The following ADAM9 variants were observed in gnomAD, a reference collection of about 807,000 sequenced individuals.
ADAM9 encodes disintegrin and metalloproteinase domain-containing protein 9.
In ADAM9, 54 loss-of-function variants were observed where a neutral mutation model predicts 108.1. The ratio of observed to expected loss-of-function variants is 0.50; its 90% CI spans 0.40 to 0.63. The LOEUF (loss-of-function observed/expected upper bound fraction) is 0.63, where lower values mean the gene tolerates loss of function less well. ADAM9 is among the 20% of genes least tolerant of loss of function. ADAM9 has a pLI of 0.00. For missense variants in ADAM9, 830 were observed against 997.7 expected, an observed-to-expected ratio of 0.83 and a Z score of 2.26; for synonymous variants, 316 against 336.0, an observed-to-expected ratio of 0.94 and a Z score of 0.65.
chr8:39,062,161 A>G (rs915841701), intron 14 of ADAM9, among the ~76,000 whole-genome samples: 9 of 152,178 alleles, frequency 5.9e-5, no homozygotes, highest in African/African-American at 1.9e-4. Flanking sequence ...GGGATACACA[A>G]ACATTGAAGG....
intron 9 of ADAM9, among the ~76,000 whole-genome samples, chr8:39,024,079 A>G (rs1836843672): frequency 6.6e-6 from 1 of 152,066 alleles, no homozygotes; most frequent in Non-Finnish European, 1.5e-5. Context: ...CACGACTTTG[A>G]AGGCGTTGCT....
Position 39,103,636 on chromosome 8 carries a change from C to A in ADAM9, c.2396C>A (p.Ser799Tyr), listed in dbSNP as rs1162338220. 6.2e-7 allele frequency: 1 copy of A among 1,614,030 alleles called. No homozygotes were observed. Among genetic ancestry groups the A allele is most frequent in the African/African-American group, 1.3e-5 (1 of 74,926 alleles). ...CCTCCACCACAACCGAAAGTATCATCTCAGGGAAACTTAATTCCTGCCCGT... is the reference window on the plus strand; with the variant it reads ...CCTCCACCACAACCGAAAGTATCATATCAGGGAAACTTAATTCCTGCCCGT... ...RPPPPQPKVS[S>Y]QGNLIPARPA... is the part of the protein sequence containing the mutation. Residue 799 changes from serine to tyrosine, a missense_variant, in exon 22 of 22, where the codon TCT becomes TAT. Ser to Tyr is a moderately radical substitution (Grantham distance 144). Around this residue, in one of 3 missense-constraint regions of ADAM9, gnomAD observed 238 missense variants for 235.7 expected, o/e 1.01. Transcript: ENST00000487273.
intron 12 of ADAM9, among the ~76,000 whole-genome samples, chr8:39,045,630 A>G (rs1837744927): frequency 6.6e-6 from 1 of 151,666 alleles, no homozygotes; most frequent in African/African-American, 2.4e-5. Context: ...GGACACTTAC[A>G]TTAGTTTCAT....
At chr8:39,034,735 G>A (rs2129435337) in intron 11 of ADAM9, among the ~76,000 whole-genome samples, 1 of 151,916 alleles carries the variant, frequency 6.6e-6, no homozygotes, top group South Asian at 2.1e-4. Flanking sequence ...GAGATGTCAA[G>A]GTGTCAGACC....
chr8:39,012,207 G>T (rs1332212663), intron 3 of ADAM9, among the ~76,000 whole-genome samples: 1 of 152,212 alleles, frequency 6.6e-6, no homozygotes, highest in East Asian at 1.9e-4. Context: ...GCTGAGATAT[G>T]TGTGAGGCAT....
rs1043410874 is a variant in ADAM9, at chr8:39,101,768, C to T, written c.2299-95C>T. 124 of 970,454 alleles carry T rather than the reference C, an allele frequency of 1.3e-4. 1 individual carries two copies. The South Asian group carries it at 1.5e-3, about 11-fold the overall frequency. 60.1% of individuals were successfully genotyped at this position (970,454 alleles called of 1,614,324 possible). A position where few individuals can be genotyped will look rare whatever the true frequency, so the allele number is the denominator to read the frequency against. On this transcript the variant is annotated intron_variant, in intron 20 of 21. Transcript: ENST00000487273. ...CTGATAAGGAATATTCAACTGTAGT[C>T]TGTTTATTGATTTTAAATATGTAGA...
intron 14 of ADAM9, among the ~76,000 whole-genome samples, chr8:39,056,302 G>A (rs1838121744): frequency 6.6e-6 from 1 of 152,032 alleles, no homozygotes; most frequent in African/African-American, 2.4e-5. Flanking sequence ...AACAAATAAG[G>A]ACTGTTCCCA....
chr8:39,035,762 AG>A (rs1256221865), intron 11 of ADAM9, among the ~76,000 whole-genome samples: 2 of 152,216 alleles, frequency 1.3e-5, no homozygotes, highest in Non-Finnish European at 2.9e-5. Flanking sequence ...GCTTGCAGTG[AG>A]CTGAGATCGT....
chr8:39,045,981 A>AT (rs779714213), intron 12 of ADAM9, among the ~76,000 whole-genome samples: 14 of 151,424 alleles, frequency 9.2e-5, no homozygotes, highest in Non-Finnish European at 1.8e-4. Flanking sequence ...GATGTTGAGC[A>AT]TTTTTTCCTG....
At chr8:39,065,504 A>T (rs971723706) in intron 14 of ADAM9, among the ~76,000 whole-genome samples, 15 of 151,672 alleles carry the variant, frequency 9.9e-5, no homozygotes, top group African/African-American at 3.4e-4. Context: ...AATACCAAAT[A>T]AAAAAATTAG....
intron 18 of ADAM9, among the ~76,000 whole-genome samples, chr8:39,088,062 A>G (rs968783683): frequency 1.3e-5 from 2 of 152,166 alleles, no homozygotes; most frequent in Non-Finnish European, 2.9e-5. Flanking sequence ...GTGGAAGTAG[A>G]TTATCATAAA....
chr8:39,089,783 A>T, intron 18 of ADAM9: 2 of 439,354 alleles, frequency 4.6e-6, no homozygotes, highest in South Asian at 2.1e-5. Flanking sequence ...GAAAGTGTTG[A>T]CAGTAGAAAC....
rs562274321 is a variant in ADAM9 at position 39,068,675 on chromosome 8, CAAAAAAAAAAAAAAAAAAAAAAAA to C, written c.1592-2607_1592-2584del. ...GAGTGACAAGAGTGAAACTTCTCCT[CAAAAAAAAAAAAAAAAAAAAAAAA>C]AAAAAAAAAAAAAAAGACCTGACTG... On this transcript the variant is annotated intron_variant, in intron 14 of 21. Coordinates refer to ENST00000487273, the MANE Select transcript of ADAM9 (RefSeq NM_003816.3). Among the ~76,000 whole-genome samples, 48 of 42,042 alleles carry C rather than the reference CAAAAAAAAAAAAAAAAAAAAAAAA, an allele frequency of 1.1e-3. 1 individual carries two copies. The South Asian group carries it at 0.03, about 26-fold the overall frequency. The allele number at this position is 42,042 out of a possible 152,430, so 27.6% of individuals were successfully genotyped here. A position where few individuals can be genotyped will look rare whatever the true frequency, so the allele number is the denominator to read the frequency against.
intron 11 of ADAM9, among the ~76,000 whole-genome samples, chr8:39,041,500 A>G (rs1302984235): frequency 6.6e-6 from 1 of 152,036 alleles, no homozygotes. Flanking sequence ...AGAGCTCCTA[A>G]TAAGTGGTAA....
intron 1 of ADAM9, among the ~76,000 whole-genome samples, chr8:38,999,175 CA>C (rs1240708044): frequency 6.6e-6 from 1 of 152,136 alleles, no homozygotes; most frequent in East Asian, 1.9e-4. Context: ...TGCACTGAAA[CA>C]TTTTCCAGGA....
rs1252889585 is a variant in ADAM9, at chr8:39,044,938, ATACC to A, written c.1302+2824_1302+2827del. Among the ~76,000 whole-genome samples the A allele has an allele frequency of 7.2e-4, 108 of 150,626 alleles. 4 individuals carry two copies. In the Middle Eastern group the frequency reaches 0.01, roughly 14 times the overall value. ...TGTATGTATATATGTGTGTGCACAC[ATACC>A]TATGTATGTGTATATGTGTGTGCAC... On this transcript the variant is annotated intron_variant, in intron 12 of 21. Coordinates refer to ENST00000487273, the MANE Select transcript of ADAM9 (RefSeq NM_003816.3).
chr8:39,077,472 A>G lies in ADAM9; in HGVS notation c.1881+61A>G, dbSNP rs1838884835. 9.7e-6 allele frequency: 14 copies of G among 1,439,838 alleles called. 1 individual carries two copies. In the East Asian group the frequency reaches 1.0e-4, roughly 10 times the overall value. 89.2% of individuals were successfully genotyped at this position (1,439,838 alleles called of 1,614,324 possible). A position where few individuals can be genotyped will look rare whatever the true frequency, so the allele number is the denominator to read the frequency against. ...AAAAAAATTAAAAAAATTATTATAC[A>G]TAGTAAGTGGTTGCTCTTTTCTGAT... On this transcript the variant is annotated intron_variant, in intron 16 of 21. Transcript: ENST00000487273.
chr8:39,053,563 A>G (rs1838022666), intron 12 of ADAM9, among the ~76,000 whole-genome samples: 1 of 152,198 alleles, frequency 6.6e-6, no homozygotes, highest in South Asian at 2.1e-4. Flanking sequence ...AGAAGTTGCA[A>G]AATAATATAG....
At chr8:39,006,425 G>T (rs1003064803) in intron 1 of ADAM9, among the ~76,000 whole-genome samples, 2 of 151,510 alleles carry the variant, frequency 1.3e-5, no homozygotes, top group Non-Finnish European at 2.9e-5. Flanking sequence ...AAAGTTAGAT[G>T]TAAATAATTC....
Sources: gnomAD v4.1 joint callset for allele counts (sites outside exome capture counted in the v4.1 genomes callset) on GRCh38, gnomAD v4.1.1 for gene constraint, gnomAD v4.1.1 regional missense constraint, MANE v1.5 for transcripts, NCBI Gene and HGNC (gene_info 2026-07-23, HGNC 2026-07-21) for gene names.